The following CTNNA2 variants were observed in gnomAD, a reference collection of about 807,000 sequenced individuals.
The protein encoded by CTNNA2 is catenin alpha 2.
A neutral mutation model predicts 101.0 loss-of-function variants in CTNNA2; 42 were observed. The observed-to-expected ratio is 0.42, with a 90% CI of 0.32 to 0.54. The LOEUF (loss-of-function observed/expected upper bound fraction) is 0.54, where lower values mean the gene tolerates loss of function less well. Ranked by LOEUF, CTNNA2 falls within the 20% of genes least tolerant of loss-of-function variation. The pLI is 0.14. For missense variants in CTNNA2, 871 were observed against 1,223.1 expected (o/e 0.71, Z 4.29); for synonymous variants, 450 against 456.4 (o/e 0.99, Z 0.18).
intron 7 of CTNNA2, chr2:80,301,957 C>T (rs1676362332): frequency 3.4e-6 from 1 of 296,016 alleles, no homozygotes; most frequent in East Asian, 6.0e-5. Context: ...TTTTTACACT[C>T]TCAGATTCCT....
intron 7 of CTNNA2, among the ~76,000 whole-genome samples, chr2:80,009,267 A>G (rs1333406813): frequency 6.6e-6 from 1 of 152,290 alleles, no homozygotes; most frequent in East Asian, 1.9e-4. Context: ...TGGGCCTTCA[A>G]TGTGATTATT....
chr2:80,190,478 G>C (rs1706423230), intron 7 of CTNNA2, among the ~76,000 whole-genome samples: 1 of 152,086 alleles, frequency 6.6e-6, no homozygotes, highest in Admixed American at 6.5e-5. Context: ...CAGGGCCTCA[G>C]TCCTCTGTAT....
At chr2:80,273,648 C>T (rs189618800) in intron 7 of CTNNA2, among the ~76,000 whole-genome samples, 1 of 152,136 alleles carries the variant, frequency 6.6e-6, no homozygotes, top group African/African-American at 2.4e-5. Flanking sequence ...TCCTGCCACA[C>T]TGGCCCCCTT....
chr2:79,434,005 G>T (rs1327928291), intron 4 of CTNNA2, among the ~76,000 whole-genome samples: 1 of 152,046 alleles, frequency 6.6e-6, no homozygotes, highest in Non-Finnish European at 1.5e-5. Flanking sequence ...GAATAAGAGA[G>T]GTTTAAGGCC....
At chr2:80,008,507 CTCT>C (rs1027530554) in intron 7 of CTNNA2, among the ~76,000 whole-genome samples, 18 of 152,152 alleles carry the variant, frequency 1.2e-4, no homozygotes, top group African/African-American at 3.9e-4. Context: ...ACATCAACTT[CTCT>C]TCTTCTTCTT....
At chr2:79,475,300 G>A (rs949119190) in intron 4 of CTNNA2, among the ~76,000 whole-genome samples, 11 of 152,032 alleles carry the variant, frequency 7.2e-5, no homozygotes, top group Non-Finnish European at 1.3e-4. Flanking sequence ...AAACAGAGCC[G>A]GAAACTTGTC....
rs569796662 is a variant in CTNNA2, at chr2:79,873,245, TA to T, written c.586-829del. Among the ~76,000 whole-genome samples the T allele has an allele frequency of 5.0e-3, 757 of 152,186 alleles. 4 individuals are homozygous for T. The highest frequency in any genetic ancestry group is 0.017 in the African/African-American group (689 of 41,566). On this transcript the variant is annotated intron_variant, in intron 5 of 18. Coordinates refer to ENST00000402739, the MANE Select transcript of CTNNA2 (RefSeq NM_001282597.3). ...CGTTTTCAGGTTTTCTGTCTGTTCA[TA>T]ACTAACTGTATGGCCCATGCAATCA...
intron 7 of CTNNA2, among the ~76,000 whole-genome samples, chr2:80,090,654 A>T (rs1699739298): frequency 6.6e-6 from 1 of 152,082 alleles, no homozygotes; most frequent in South Asian, 2.1e-4. Flanking sequence ...AAATTTCCAT[A>T]AAAGAAGTTT....
At chr2:79,902,869 C>T (rs1685158102) in intron 6 of CTNNA2, among the ~76,000 whole-genome samples, 1 of 152,164 alleles carries the variant, frequency 6.6e-6, no homozygotes, top group Non-Finnish European at 1.5e-5. Context: ...TTGTGATCTG[C>T]CTGCCTCAGC....
At chr2:79,694,183 A>G (rs1273477189) in intron 2 of CTNNA2, among the ~76,000 whole-genome samples, 1 of 151,946 alleles carries the variant, frequency 6.6e-6, no homozygotes, top group Admixed American at 6.6e-5. Context: ...GAAATGTTAC[A>G]CATAAAACTT....
intron 7 of CTNNA2, among the ~76,000 whole-genome samples, chr2:80,343,530 C>T (rs61550536): frequency 0.098 from 14,944 of 151,974 alleles, 1,722 homozygotes; most frequent in African/African-American, 0.28. Flanking sequence ...TCATTTACTT[C>T]TGTAACACTG....
intron 2 of CTNNA2, among the ~76,000 whole-genome samples, chr2:79,679,121 CATT>C (rs1683385771): frequency 6.6e-6 from 1 of 152,146 alleles, no homozygotes; most frequent in African/African-American, 2.4e-5. Context: ...GAATTACTAA[CATT>C]ATAAAACTGT....
chr2:79,438,928 G>A (rs557699769), intron 4 of CTNNA2, among the ~76,000 whole-genome samples: 20 of 152,270 alleles, frequency 1.3e-4, no homozygotes, highest in African/African-American at 4.6e-4. Context: ...AATAACTATT[G>A]GCAAGGATGT....
At chr2:79,416,138 C>A (rs1031863114) in intron 4 of CTNNA2, among the ~76,000 whole-genome samples, 1 of 151,960 alleles carries the variant, frequency 6.6e-6, no homozygotes, top group Non-Finnish European at 1.5e-5. Flanking sequence ...TTTAATAAGA[C>A]ACCTTCCTCA....
chr2:80,057,502 C>T (rs1046515346), intron 7 of CTNNA2, among the ~76,000 whole-genome samples: 7 of 152,126 alleles, frequency 4.6e-5, no homozygotes, highest in Non-Finnish European at 8.8e-5. Context: ...CTTGGGTCTG[C>T]AGAGCATCCA....
chr2:80,269,699 A>C (rs1313680598), intron 7 of CTNNA2, among the ~76,000 whole-genome samples: 2 of 152,194 alleles, frequency 1.3e-5, no homozygotes, highest in Non-Finnish European at 2.9e-5. Flanking sequence ...TCTGAATGCT[A>C]TTAAGTGGTC....
intron 6 of CTNNA2, among the ~76,000 whole-genome samples, chr2:79,892,921 AAAGAAAG>A (rs933164259): frequency 1.3e-5 from 2 of 152,186 alleles, no homozygotes; most frequent in African/African-American, 4.8e-5. Flanking sequence ...TGTTAAAAAT[AAAGAAAG>A]AGTTTCTTCT....
chr2:80,030,696 A>G (rs1695233004), intron 7 of CTNNA2: 1 of 152,238 alleles, frequency 6.6e-6, no homozygotes, highest in African/African-American at 2.4e-5. Context: ...AACTTCCAGT[A>G]TCATAAATTT....
chr2:80,608,614 G>A (rs1698216921), intron 17 of CTNNA2: 1 of 220,660 alleles, frequency 4.5e-6, no homozygotes, highest in East Asian at 9.3e-5. Context: ...ATTATTTGGG[G>A]CTTTTGTATA....
Sources: gnomAD v4.1 joint callset for allele counts (sites outside exome capture counted in the v4.1 genomes callset) on GRCh38, gnomAD v4.1.1 for gene constraint, MANE v1.5 for transcripts, NCBI Gene and HGNC (gene_info 2026-07-23, HGNC 2026-07-21) for gene names.